TUBB8: variants seen among roughly 807,000 people sequenced by gnomAD.
The protein encoded by TUBB8 is tubulin beta-8 chain.
Under a neutral mutation model 33.7 loss-of-function variants are expected in TUBB8, and 25 were observed. That is an observed-to-expected ratio of 0.74 (90% CI 0.54 to 1.04). The LOEUF (loss-of-function observed/expected upper bound fraction) is 1.04. TUBB8 is among the 50% of genes least tolerant of loss of function. TUBB8 has a pLI of 0.00. For synonymous variants in TUBB8, 245 were observed against 240.1 expected (o/e 1.02, Z -0.19); for missense variants, 279 against 608.0 (o/e 0.46, Z 5.69).
At chr10:56,608 A>G (rs1169598100) in intron 1 of TUBB8, among the ~76,000 whole-genome samples, 1 of 150,032 alleles carries the variant, frequency 6.7e-6, no homozygotes, top group East Asian at 1.9e-4. Flanking sequence ...CTTGTAGATA[A>G]CCAGGTCTCA....
At chr10:70,231 TAAAC>T (rs1473652689) in intron 1 of TUBB8, among the ~76,000 whole-genome samples, 2 of 151,596 alleles carry the variant, frequency 1.3e-5, no homozygotes, top group East Asian at 3.9e-4. Flanking sequence ...GAAAACAAGA[TAAAC>T]TAATAAGTAT....
chr10:49,146 G>C lies in TUBB8; in HGVS notation c.57+36C>G, dbSNP rs369136403. The C allele has an allele frequency of 4.9e-4, 765 of 1,550,678 alleles. 6 individuals carry two copies. The South Asian group carries it at 8.5e-3, about 17-fold the overall frequency. On this transcript the variant is annotated intron_variant, in intron 1 of 3. Transcript: ENST00000568584. ...CAACACCTTCCCCGGCCACCCGGCA[G>C]GCCCGGGCTAGGCCCTCAGAGCCCC... is the stretch of plus-strand genomic sequence containing the variant.
At chr10:49,402 A>G, upstream of TUBB8, 3 of 747,458 alleles carry the variant, frequency 4.0e-6, no homozygotes, top group East Asian at 2.7e-5. Flanking sequence ...ACACAGGTGC[A>G]CCCACCTGTG....
At position 46,906 on chromosome 10, in the gene TUBB8, T is replaced by C. The variant is rs1310456486; in HGVS notation, c.*151A>G. ...GCAAAACCAGATGCTGTGAGAATAC[T>C]TTATTAGTCAAAACCGCATACTATA... On this transcript the variant is annotated 3_prime_UTR_variant, in exon 4 of 4. Coordinates refer to ENST00000568584, the MANE Select transcript of TUBB8 (RefSeq NM_177987.3). The C allele has an allele frequency of 8.8e-6, 5 of 566,656 alleles. No individual in the cohort carries two copies. Among genetic ancestry groups the C allele is most frequent in the South Asian group, 8.6e-5 (4 of 46,356 alleles). The allele number at this position is 566,656 out of a possible 1,614,324, so 35.1% of individuals were successfully genotyped here. A position where few individuals can be genotyped will look rare whatever the true frequency, so the allele number is the denominator to read the frequency against.
intron 1 of TUBB8, among the ~76,000 whole-genome samples, chr10:63,806 G>A (rs181749526): frequency 0.025 from 3,790 of 152,186 alleles, 52 homozygotes; most frequent in Middle Eastern, 0.068. Context: ...TATTTAGCTT[G>A]TTTGGTGAGG....
chr10:51,881 G>C (rs1288846845), upstream of TUBB8, among the ~76,000 whole-genome samples: 1 of 152,188 alleles, frequency 6.6e-6, no homozygotes, highest in Non-Finnish European at 1.5e-5. Context: ...AAGGCTAAAA[G>C]TCAGAGGATC....
chr10:55,542 T>A (rs1834519583), intron 1 of TUBB8, among the ~76,000 whole-genome samples: 1 of 152,264 alleles, frequency 6.6e-6, no homozygotes, highest in Non-Finnish European at 1.5e-5. Flanking sequence ...TTATGGGGCA[T>A]TATTTAAGAA....
In TUBB8 at chr10:47,026, G is replaced by A; in HGVS notation, c.*31C>T. The stretch of plus-strand genomic sequence containing the variant: ...CAGAACACAGTAAAGAATCCACACT[G>A]CTTCCCCCCTTTACCTAGAAAAGGA... On this transcript the variant is annotated 3_prime_UTR_variant, in exon 4 of 4. Coordinates refer to ENST00000568584, the MANE Select transcript of TUBB8 (RefSeq NM_177987.3). The A allele has an allele frequency of 1.4e-6, 1 of 723,304 alleles. No homozygotes were observed. The highest frequency in any genetic ancestry group is 2.4e-6 in the Non-Finnish European group (1 of 425,312). 44.8% of individuals were successfully genotyped at this position (723,304 alleles called of 1,614,324 possible).
At position 47,421 on chromosome 10, in the gene TUBB8, C is replaced by T. The variant is rs1397428604; in HGVS notation, c.971G>A (p.Arg324Lys). 2 of 1,612,294 alleles carry T rather than the reference C, an allele frequency of 1.2e-6. No individual in the cohort carries two copies. Among genetic ancestry groups the T allele is most frequent in the African/African-American group, 1.3e-5 (1 of 74,892 alleles). Reference sequence around the variant, plus strand: ...GTTGAACATTTGTTCATCCACCTCCCTCATGGGCATGCGACCCCTGAAAAT... The same window carrying T: ...GTTGAACATTTGTTCATCCACCTCCTTCATGGGCATGCGACCCCTGAAAAT... ...AAIFRGRMPM[R>K]EVDEQMFNIQ... Residue 324 changes from arginine (R) to lysine (K), a missense_variant, in exon 4 of 4, where the codon AGG becomes AAG. Transcript: ENST00000568584.
At chr10:50,486 C>G (rs568887520), upstream of TUBB8, among the ~76,000 whole-genome samples, 1 of 152,288 alleles carries the variant, frequency 6.6e-6, no homozygotes, top group South Asian at 2.1e-4. Context: ...GTGCAGGGGC[C>G]TTGGCTGTGG....
intron 1 of TUBB8, among the ~76,000 whole-genome samples, chr10:62,405 G>C (rs565157517): frequency 4.2e-4 from 64 of 152,284 alleles, no homozygotes; most frequent in African/African-American, 1.5e-3. Context: ...TAACTCCATT[G>C]CCATTCTTTT....
chr10:47,439 C>T lies in TUBB8; in HGVS notation c.953G>A (p.Arg318Lys), dbSNP rs782075199. 1 of 1,611,878 alleles carries T rather than the reference C, an allele frequency of 6.2e-7. No homozygotes were observed. Among genetic ancestry groups the T allele is most frequent in the African/African-American group, 1.3e-5 (1 of 74,986 alleles). The change falls in exon 4 of 4, where the codon AGG becomes AAG. Residue 318 changes from arginine (R) to lysine (K), a missense_variant. Transcript: ENST00000568584. ...CACCTCCCTCATGGGCATGCGACCC[C>T]TGAAAATGGCAGCCGCCGTTAGGTA... ...GRYLTAAAIF[R>K]GRMPMREVDE...
At position 47,519 on chromosome 10, in the gene TUBB8, C is replaced by A. The variant is rs781845026; in HGVS notation, c.873G>T (p.Gln291His). The change falls in exon 4 of 4, where the codon CAG becomes CAT. Residue 291 changes from glutamine to histidine, a missense_variant. This residue lies in a region of TUBB8 where 123 missense variants were observed against 228.9 expected (regional missense o/e 0.54). Transcript: ENST00000568584. ...TCATGTTCTTAGCATCAAACATCTGCTGGGTAAGCTCAGCCACAGTCAAGG... is the reference window on the plus strand; with the variant it reads ...TCATGTTCTTAGCATCAAACATCTGATGGGTAAGCTCAGCCACAGTCAAGG... Reference protein sequence around the residue: ...YRALTVAELTQQMFDAKNMMA... With the variant: ...YRALTVAELTHQMFDAKNMMA... The A allele has an allele frequency of 6.2e-7, 1 of 1,612,228 alleles. No individual in the cohort carries two copies. The highest frequency in any genetic ancestry group is 1.1e-5 in the South Asian group (1 of 91,008).
At chr10:69,255 A>C (rs1400520785) in intron 1 of TUBB8, among the ~76,000 whole-genome samples, 1 of 152,134 alleles carries the variant, frequency 6.6e-6, no homozygotes, top group Non-Finnish European at 1.5e-5. Context: ...ATTCAACCCC[A>C]GTGGCCTGCA....
Position 47,575 on chromosome 10 carries a change from G to A in TUBB8, c.817C>T (p.Leu273=). Residue 273 remains leucine (L), a synonymous_variant, in exon 4 of 4, where the codon CTG becomes TTG. Coordinates refer to ENST00000568584, the MANE Select transcript of TUBB8 (RefSeq NM_177987.3). ...LHFFMPGFAP[L]TSRGSQQYRA... The stretch of plus-strand genomic sequence containing the variant: ...TACTGCTGGCTGCCCCGGCTGGTCA[G>A]TGGGGCAAAGCCGGGCATGAAGAAA... The A allele has an allele frequency of 6.2e-7, 1 of 1,611,306 alleles. No individual in the cohort carries two copies. Among genetic ancestry groups the A allele is most frequent in the Non-Finnish European group, 8.5e-7 (1 of 1,179,994 alleles).
chr10:60,063 A>G (rs1379200867), intron 1 of TUBB8, among the ~76,000 whole-genome samples: 1 of 152,194 alleles, frequency 6.6e-6, no homozygotes, highest in Non-Finnish European at 1.5e-5. Flanking sequence ...TGTTCAAAAA[A>G]TCAACTTTTT....
chr10:58,879 A>T (rs193078693), intron 1 of TUBB8, among the ~76,000 whole-genome samples: 3 of 152,352 alleles, frequency 2.0e-5, no homozygotes, highest in East Asian at 1.9e-4. Flanking sequence ...AAAAACAATA[A>T]TTTGACTTCT....
At chr10:50,455 C>A (rs200624848), upstream of TUBB8, among the ~76,000 whole-genome samples, 3,829 of 151,204 alleles carry the variant, frequency 0.025, 76 homozygotes, top group Middle Eastern at 0.078. Context: ...AGCACGCCCA[C>A]AAGCTTCATT....
At chr10:68,761 G>A (rs1408651191) in intron 1 of TUBB8, among the ~76,000 whole-genome samples, 2 of 152,136 alleles carry the variant, frequency 1.3e-5, no homozygotes, top group Non-Finnish European at 2.9e-5. Context: ...TAACCACCAC[G>A]TAACTCCCAA....
Sources: allele counts gnomAD v4.1 joint callset (sites outside exome capture counted in the v4.1 genomes callset), GRCh38; gene constraint gnomAD v4.1.1; regional missense constraint gnomAD v4.1.1; transcripts MANE v1.5; gene names NCBI Gene and HGNC (gene_info 2026-07-23, HGNC 2026-07-21).